The following NAA11 variants were observed in gnomAD, a reference collection of about 807,000 sequenced individuals.
The protein encoded by NAA11 is N-alpha-acetyltransferase 11, NatA catalytic subunit, also known as N-alpha-acetyltransferase 11.
NAA11 carries 15 observed loss-of-function variants against 16.1 expected under a neutral mutation model. The observed-to-expected ratio is 0.93, with a 90% CI of 0.62 to 1.44. The LOEUF (loss-of-function observed/expected upper bound fraction) is 1.44. NAA11 is among the 40% of genes most tolerant of loss of function. The pLI, the probability that NAA11 is intolerant of heterozygous loss-of-function variation, is 0.00. For missense variants in NAA11, 298 were observed against 291.3 expected (o/e 1.02, Z -0.17); for synonymous variants, 122 against 112.4 (o/e 1.09, Z -0.54).
At chr4:79,168,135 C>T in the NAA11 span, among the ~76,000 whole-genome samples, 2 of 151,670 alleles carry the variant, frequency 1.3e-5, no homozygotes, top group African/African-American at 4.8e-5. Flanking sequence ...GTTTTCTGTT[C>T]CTGTGTTAGT....
intron 1 of NAA11, among the ~76,000 whole-genome samples, chr4:79,305,465 A>G (rs1474776322): frequency 1.3e-5 from 2 of 152,206 alleles, no homozygotes; most frequent in African/African-American, 4.8e-5. Flanking sequence ...CATTTGAAAG[A>G]TTGTTCAATT....
intron 1 of NAA11, among the ~76,000 whole-genome samples, chr4:79,323,473 T>A (rs1724161918): frequency 2.0e-5 from 3 of 151,638 alleles, no homozygotes; most frequent in Non-Finnish European, 4.4e-5. Flanking sequence ...GATCACAAGG[T>A]CAGGAGTTCG....
chr4:79,246,070 C>T (rs948727981), intron 2 of NAA11, among the ~76,000 whole-genome samples: 2 of 152,088 alleles, frequency 1.3e-5, no homozygotes, highest in Admixed American at 1.3e-4. Flanking sequence ...AATCTGTAAC[C>T]TTACCCCCAA....
the NAA11 span, among the ~76,000 whole-genome samples, chr4:79,173,498 T>A: frequency 6.6e-6 from 1 of 152,154 alleles, no homozygotes. Flanking sequence ...ATATACTAGA[T>A]GTTTAATAAA....
At chr4:79,159,043 C>A in the NAA11 span, among the ~76,000 whole-genome samples, 1 of 151,980 alleles carries the variant, frequency 6.6e-6, no homozygotes, top group Non-Finnish European at 1.5e-5. Context: ...ACTTCACGAC[C>A]AAGAACCCAA....
the NAA11 span, among the ~76,000 whole-genome samples, chr4:79,171,105 C>T: frequency 6.6e-6 from 1 of 152,120 alleles, no homozygotes; most frequent in East Asian, 1.9e-4. Flanking sequence ...AGAGAATAGC[C>T]ATGGTTTGAA....
intron 2 of NAA11, among the ~76,000 whole-genome samples, chr4:79,266,148 T>A (rs1722339468): frequency 6.6e-6 from 1 of 152,180 alleles, no homozygotes; most frequent in Non-Finnish European, 1.5e-5. Flanking sequence ...CATTCAGTTT[T>A]ATAACAGAAT....
chr4:79,202,608 C>T, the NAA11 span, among the ~76,000 whole-genome samples: 9 of 30,818 alleles, frequency 2.9e-4, no homozygotes, highest in South Asian at 2.4e-3. Flanking sequence ...GTTTTATATA[C>T]AGTTATATAT....
At chr4:79,323,489 A>C (rs1004706872) in intron 1 of NAA11, among the ~76,000 whole-genome samples, 1 of 152,046 alleles carries the variant, frequency 6.6e-6, no homozygotes, top group African/African-American at 2.4e-5. Context: ...GTTCGAGACC[A>C]GCCTGGCCAA....
chr4:79,177,132 A>G, the NAA11 span, among the ~76,000 whole-genome samples: 3 of 152,038 alleles, frequency 2.0e-5, no homozygotes, highest in African/African-American at 2.4e-5. Flanking sequence ...CTCTATATGT[A>G]TATGTGTGTG....
chr4:79,247,172 G>A (rs983431034), intron 2 of NAA11, among the ~76,000 whole-genome samples: 2 of 152,184 alleles, frequency 1.3e-5, no homozygotes, highest in African/African-American at 4.8e-5. Context: ...AATAATTGTT[G>A]AAACTATCAT....
At chr4:79,189,560 C>G in the NAA11 span, among the ~76,000 whole-genome samples, 1 of 146,318 alleles carries the variant, frequency 6.8e-6, no homozygotes, top group Admixed American at 6.8e-5. Flanking sequence ...CACCATGTCC[C>G]TGCAGGTAAT....
chr4:79,175,721 G>A, the NAA11 span, among the ~76,000 whole-genome samples: 16 of 134,292 alleles, frequency 1.2e-4, no homozygotes, highest in South Asian at 3.8e-3. Flanking sequence ...TATGCATACA[G>A]CTTTTTCAGA....
Position 79,235,612 on chromosome 4 carries a change from G to A in NAA11, c.*123-9342C>T, listed in dbSNP as rs549474980. 3.3e-5 allele frequency among the ~76,000 whole-genome samples: 5 copies of A among 152,202 alleles called. No homozygotes were observed. In the South Asian group the frequency reaches 8.3e-4, roughly 25 times the overall value. On this transcript the variant is annotated intron_variant and NMD_transcript_variant, in intron 2 of 2. Coordinates refer to the NAA11 transcript ENST00000511542. ...ACTTAATGTAGTGTGACTAGTTCCC[G>A]TTTGTTGCTGTTAACAGGATAGTTA...
the NAA11 span, among the ~76,000 whole-genome samples, chr4:79,180,387 G>C: frequency 1.3e-5 from 2 of 151,648 alleles, no homozygotes; most frequent in East Asian, 3.9e-4. Flanking sequence ...CCAGAGTCTC[G>C]AATAAAAACA....
the NAA11 span, among the ~76,000 whole-genome samples, chr4:79,176,311 G>A: frequency 6.6e-6 from 1 of 152,142 alleles, no homozygotes; most frequent in East Asian, 1.9e-4. Flanking sequence ...GTGTATGCAT[G>A]TATTAATCAG....
At chr4:79,251,431 A>T (rs1721991098) in intron 2 of NAA11, among the ~76,000 whole-genome samples, 1 of 152,210 alleles carries the variant, frequency 6.6e-6, no homozygotes, top group Non-Finnish European at 1.5e-5. Context: ...CATTGAGTAC[A>T]TATGGACACA....
chr4:79,287,229 CAT>C (rs1284365763), intron 2 of NAA11, among the ~76,000 whole-genome samples: 1 of 152,100 alleles, frequency 6.6e-6, no homozygotes, highest in East Asian at 1.9e-4. Flanking sequence ...TGGAGAACCA[CAT>C]ATGTCATATT....
At chr4:79,325,106 A>T (rs1724219650) in intron 1 of NAA11, 70 bp downstream of exon 1, 1 of 1,348,340 alleles carries the variant, frequency 7.4e-7, no homozygotes, top group African/African-American at 1.5e-5. Context: ...GACAGGATGG[A>T]ATTGGGCAGG....
Sources: gnomAD v4.1 joint callset for allele counts (sites outside exome capture counted in the v4.1 genomes callset) on GRCh38, gnomAD v4.1.1 for gene constraint, MANE v1.5 for transcripts, NCBI Gene and HGNC (gene_info 2026-07-23, HGNC 2026-07-21) for gene names.